CRAT: variants seen among roughly 807,000 people sequenced by gnomAD.
CRAT encodes the protein carnitine acetylase.
CRAT carries 66 observed loss-of-function variants against 73.7 expected under a neutral mutation model. That is an observed-to-expected ratio of 0.90 (90% CI 0.73 to 1.10). The LOEUF is 1.10. Among genes scored for constraint, CRAT ranks in the 50% least tolerant of loss-of-function variants. The pLI, the probability that CRAT is intolerant of heterozygous loss-of-function variation, is 0.00. For missense variants in CRAT, 745 were observed against 846.9 expected, an observed-to-expected ratio of 0.88 and a Z score of 1.49; for synonymous variants, 321 against 343.2, an observed-to-expected ratio of 0.94 and a Z score of 0.71.
intron 8 of CRAT, among the ~76,000 whole-genome samples, 158 bp from the exon 9 acceptor site, chr9:129,098,808 T>C (rs1179973883): frequency 1.8e-4 from 13 of 72,978 alleles, no homozygotes; most frequent in Admixed American, 8.8e-4. Flanking sequence ...AGCTTTTTTT[T>C]CTTTTTTCTT....
At position 129,096,019 on chromosome 9, in the gene CRAT, G is replaced by A. The variant is rs1847259104; in HGVS notation, c.1644C>T (p.His548=). ...FMDTSYAIAM[H]FHLSTSQVPA... is the part of the protein sequence containing the mutation. Reference sequence around the variant, plus strand: ...CCACCTGGCTGGTGGAGAGGTGGAAGTGCATGGCGATGGCGTAGGAGGTGT... The same window carrying A: ...CCACCTGGCTGGTGGAGAGGTGGAAATGCATGGCGATGGCGTAGGAGGTGT... Residue 548 remains histidine (H), a synonymous_variant, in exon 13 of 14, where the codon CAC becomes CAT. Transcript: ENST00000318080. 6.2e-7 allele frequency: 1 copy of A among 1,614,060 alleles called. No individual in the cohort carries two copies. Among genetic ancestry groups the A allele is most frequent in the Non-Finnish European group, 8.5e-7 (1 of 1,180,026 alleles).
chr9:129,096,401 C>T (rs2131434669), intron 12 of CRAT, among the ~76,000 whole-genome samples: 1 of 152,390 alleles, frequency 6.6e-6, no homozygotes, highest in East Asian at 1.9e-4. Context: ...ATCCTGGCTG[C>T]AGGGCCTTGG....
chr9:129,100,543 T>C lies in CRAT; in HGVS notation c.952A>G (p.Ser318Gly). 6.2e-7 allele frequency: 1 copy of C among 1,613,726 alleles called. No individual in the cohort carries two copies. Among genetic ancestry groups the C allele is most frequent in the South Asian group, 1.1e-5 (1 of 91,070 alleles). ...MLHGGGSRLN[S>G]GNRWFDKTLQ... ...GTCTTGTCGAACCAGCGGTTGCCGC[T>C]GTTGAGCCTGCTGCCGCCCCCATGC... is the stretch of plus-strand genomic sequence containing the variant. Residue 318 changes from serine to glycine, a missense_variant, in exon 7 of 14, where the codon AGC becomes GGC. Ser to Gly is a moderately conservative substitution (Grantham distance 56, BLOSUM62 0). Coordinates refer to ENST00000318080, the MANE Select transcript of CRAT (RefSeq NM_000755.5).
chr9:129,108,108 C>T, intron 1 of CRAT, 31 bp from the exon 2 acceptor site: 1 of 1,497,950 alleles, frequency 6.7e-7, no homozygotes, highest in East Asian at 2.3e-5. Context: ...TGTTCATTCC[C>T]TCCCCGGCTC....
In CRAT at chr9:129,101,954, T is replaced by C. The variant is rs751743744; in HGVS notation, c.734A>G (p.Lys245Arg). 5 of 1,614,076 alleles carry C rather than the reference T, an allele frequency of 3.1e-6. No homozygotes were observed. Among genetic ancestry groups the C allele is most frequent in the Non-Finnish European group, 3.4e-6 (4 of 1,180,040 alleles). The change falls in exon 6 of 14, where the codon AAG becomes AGG. Residue 245 changes from lysine (K) to arginine (R), a missense_variant. Coordinates refer to ENST00000318080, the MANE Select transcript of CRAT (RefSeq NM_000755.5). ...GGAGGTGAGGATGCCCACAGGCTCCTTGTTGGTCTGTAGGGATGAGTTCCA... is the reference window on the plus strand; with the variant it reads ...GGAGGTGAGGATGCCCACAGGCTCCCTGTTGGTCTGTAGGGATGAGTTCCA... ...KIWNSSLQTNKEPVGILTSNH... is the reference protein window; with the variant it reads ...KIWNSSLQTNREPVGILTSNH...
Position 129,107,824 on chromosome 9 carries a change from G to A in CRAT, c.281C>T (p.Thr94Met), listed in dbSNP as rs201778516. The change falls in exon 2 of 14, where the codon ACG (threonine) becomes ATG (methionine). Residue 94 changes from threonine (T) to methionine (M), a missense_variant. Coordinates refer to ENST00000318080, the MANE Select transcript of CRAT (RefSeq NM_000755.5). This position sits in a 1 kb window ranked among gnomAD's most constrained non-coding sequence, Gnocchi z 5.0. ...GATGCCCTCACTCACCCAGTTCTCC[G>A]TCTTCCTGGCCCGACGCTCCAGCCC... ...QKGLERRARK[T>M]ENWLSEWWLK... 27 of 1,612,988 alleles carry A rather than the reference G, an allele frequency of 1.7e-5. No individual in the cohort carries two copies. The highest frequency in any genetic ancestry group is 2.2e-5 in the Non-Finnish European group (26 of 1,180,006).
At chr9:129,100,872 A>G (rs1342791873) in intron 6 of CRAT, among the ~76,000 whole-genome samples, 183 bp from the exon 7 acceptor site, 1 of 152,112 alleles carries the variant, frequency 6.6e-6, no homozygotes, top group Non-Finnish European at 1.5e-5. Flanking sequence ...GTGGGTTCAG[A>G]GCTTCGAACT....
At chr9:129,099,104 A>T (rs10988201) in intron 8 of CRAT, among the ~76,000 whole-genome samples, 91,272 of 149,428 alleles carry the variant, frequency 0.61, 29,586 homozygotes, top group Non-Finnish European at 0.72. Context: ...CCTCTTGAGT[A>T]GCTGGGATTA....
Position 129,102,007 on chromosome 9 carries a change from A to G in CRAT, c.681T>C (p.Asp227=). 3.1e-6 allele frequency: 5 copies of G among 1,614,200 alleles called. No homozygotes were observed. Among genetic ancestry groups the G allele is most frequent in the Non-Finnish European group, 4.2e-6 (5 of 1,180,014 alleles). Residue 227 remains aspartate, a synonymous_variant, in exon 6 of 14, where the codon GAT becomes GAC. Transcript: ENST00000318080. Reference sequence around the variant, plus strand: ...TCTTCTCCAGCTGCACAAAGATCTGATCCGCAGTGAGGGGTGTCCCGTCAC... The same window carrying G: ...TCTTCTCCAGCTGCACAAAGATCTGGTCCGCAGTGAGGGGTGTCCCGTCAC... ...YHSDGTPLTA[D]QIFVQLEKIW... is the part of the protein sequence containing the mutation.
chr9:129,100,189 G>A (rs1462539385), intron 7 of CRAT: 8 of 582,622 alleles, frequency 1.4e-5, no homozygotes, highest in African/African-American at 7.5e-5. Context: ...CTACTCTACC[G>A]GTGAGGTTGA....
Position 129,104,006 on chromosome 9 carries a change from C to T in CRAT, c.410+182G>A, listed in dbSNP as rs549821489. Among the ~76,000 whole-genome samples the T allele has an allele frequency of 2.1e-4, 32 of 152,284 alleles. No individual in the cohort carries two copies. In the East Asian group the frequency reaches 6.0e-3, roughly 28 times the overall value. On this transcript the variant is annotated intron_variant, in intron 3 of 13. Transcript: ENST00000318080. ...CCTGCTTCCTGAATGGGGTCTTGGG[C>T]AGCTCCCTTCCCTGCTCCGAGCCTC...
chr9:129,110,410 C>T lies in CRAT; in HGVS notation c.27+73G>A, dbSNP rs1848348969. The T allele has an allele frequency of 4.2e-6, 6 of 1,440,522 alleles. No homozygotes were observed. The highest frequency in any genetic ancestry group is 5.5e-6 in the Non-Finnish European group (6 of 1,092,222). 89.2% of individuals were successfully genotyped at this position (1,440,522 alleles called of 1,614,324 possible). On this transcript the variant is annotated intron_variant, in intron 1 of 13. Coordinates refer to ENST00000318080, the MANE Select transcript of CRAT (RefSeq NM_000755.5). This position sits in a 1 kb window ranked among gnomAD's most constrained non-coding sequence, Gnocchi z 5.3. ...GAACAGCGGCCGCAGGACGCGGTCT[C>T]CGTTCCCGGACGCAACCGCACGGCC... is the stretch of plus-strand genomic sequence containing the variant.
rs989750977 is a variant in CRAT, at chr9:129,107,811, C to A, written c.291+3G>T. Reference sequence around the variant, plus strand: ...AGGTCACAGTGAGGATGCCCTCACTCACCCAGTTCTCCGTCTTCCTGGCCC... The same window carrying A: ...AGGTCACAGTGAGGATGCCCTCACTAACCCAGTTCTCCGTCTTCCTGGCCC... On this transcript the variant is annotated splice_donor_region_variant and intron_variant, in intron 2 of 13. Coordinates refer to ENST00000318080, the MANE Select transcript of CRAT (RefSeq NM_000755.5). This position sits in a 1 kb window ranked among gnomAD's most constrained non-coding sequence, Gnocchi z 5.0. 6.2e-7 allele frequency: 1 copy of A among 1,613,088 alleles called. No individual in the cohort carries two copies. The highest frequency in any genetic ancestry group is 8.5e-7 in the Non-Finnish European group (1 of 1,180,040).
rs1293564535 is a variant in CRAT at position 129,110,684 on chromosome 9, G to A, written c.-175C>T. The A allele has an allele frequency of 7.5e-6, 6 of 805,150 alleles. No homozygotes were observed. Among genetic ancestry groups the A allele is most frequent in the Non-Finnish European group, 1.1e-5 (6 of 555,544 alleles). 49.9% of individuals were successfully genotyped at this position (805,150 alleles called of 1,614,324 possible). ...GCCCCGCGCCCACCCTCTGGGCCGA[G>A]CGGGCTGCGGGAAGGCACCCGGGGA... On this transcript the variant is annotated 5_prime_UTR_variant, in exon 1 of 14. Coordinates refer to ENST00000318080, the MANE Select transcript of CRAT (RefSeq NM_000755.5). This position sits in a 1 kb window ranked among gnomAD's most constrained non-coding sequence, Gnocchi z 5.3.
Position 129,095,114 on chromosome 9 carries a change from A to T in CRAT, c.*283T>A. The T allele has an allele frequency of 2.0e-6, 1 of 493,866 alleles. No homozygotes were observed. The highest frequency in any genetic ancestry group is 2.5e-5 in the South Asian group (1 of 40,404). The allele number at this position is 493,866 out of a possible 1,614,324, so 30.6% of individuals were successfully genotyped here. A position where few individuals can be genotyped will look rare whatever the true frequency, so the allele number is the denominator to read the frequency against. ...CTGGAGGGCTGGTTCCCTTCCCCAG[A>T]GGAGGCACCGGTGGAGGACGTGCCA... On this transcript the variant is annotated 3_prime_UTR_variant, in exon 14 of 14. Transcript: ENST00000318080.
intron 7 of CRAT, 133 bp from the exon 8 acceptor site, chr9:129,100,099 TAAC>T (rs1847567748): frequency 3.1e-6 from 2 of 646,554 alleles, no homozygotes; most frequent in Non-Finnish European, 5.4e-6. Flanking sequence ...TTACTGTTAT[TAAC>T]AATAGCTGAC....
intron 3 of CRAT, 56 bp downstream of exon 3, chr9:129,104,132 C>G (rs1047522907): frequency 7.3e-7 from 1 of 1,363,756 alleles, no homozygotes; most frequent in Non-Finnish European, 1.0e-6. Context: ...AGCGGCTGGG[C>G]GAAGTGAACT....
chr9:129,100,455 G>A, intron 7 of CRAT, 56 bp downstream of exon 7: 3 of 1,538,966 alleles, frequency 1.9e-6, no homozygotes, highest in Non-Finnish European at 2.6e-6. Flanking sequence ...AAGTCCCGAG[G>A]CTGCAGAGGT....
intron 12 of CRAT, 82 bp from the exon 13 acceptor site, chr9:129,096,217 A>G (rs1564155957): frequency 3.2e-6 from 5 of 1,567,174 alleles, no homozygotes; most frequent in Non-Finnish European, 4.3e-6. Context: ...TGGCAGCGCC[A>G]CCCTTCGCAG....
Sources: gnomAD v4.1 joint callset for allele counts (sites outside exome capture counted in the v4.1 genomes callset) on GRCh38, gnomAD v4.1.1 for gene constraint, Gnocchi (gnomAD v3.1) non-coding constraint, MANE v1.5 for transcripts, NCBI Gene and HGNC (gene_info 2026-07-23, HGNC 2026-07-21) for gene names.